CDH11: variants seen among roughly 807,000 people sequenced by gnomAD.
CDH11 encodes cadherin-11.
Under a neutral mutation model 67.8 loss-of-function variants are expected in CDH11, and 11 were observed. That is an observed-to-expected ratio of 0.16 (90% CI 0.10 to 0.27). The LOEUF (loss-of-function observed/expected upper bound fraction) is 0.27. Among genes scored for constraint, CDH11 ranks in the 10% least tolerant of loss-of-function variants. The probability of loss-of-function intolerance (pLI) is 1.00; values close to 1 mark genes in which losing one functional copy is unlikely to be tolerated. For synonymous variants in CDH11, 419 were observed against 400.0 expected (o/e 1.05, Z -0.57); for missense variants, 847 against 1,031.2 (o/e 0.82, Z 2.45).
At chr16:65,104,177 CA>C (rs2075034312) in intron 1 of CDH11, among the ~76,000 whole-genome samples, 2 of 152,132 alleles carry the variant, frequency 1.3e-5, no homozygotes, top group African/African-American at 4.8e-5. Context: ...TTATCTATGC[CA>C]ATTTCCTTTA....
At chr16:65,008,909 C>T (rs2073119548) in intron 2 of CDH11, among the ~76,000 whole-genome samples, 1 of 152,128 alleles carries the variant, frequency 6.6e-6, no homozygotes, top group Admixed American at 6.6e-5. Context: ...ATCCGCCTAA[C>T]ATTCTTGGAC....
At chr16:65,087,156 C>T (rs1484012106) in intron 1 of CDH11, among the ~76,000 whole-genome samples, 3 of 152,122 alleles carry the variant, frequency 2.0e-5, no homozygotes, top group Non-Finnish European at 4.4e-5. Context: ...TTACATTTTG[C>T]ACCTGACACA....
chr16:65,084,642 G>C lies in CDH11; in HGVS notation c.-297-30714C>G, dbSNP rs147299624. 8.2e-3 allele frequency among the ~76,000 whole-genome samples: 1,256 copies of C among 152,278 alleles called. 6 individuals are homozygous for C. Among genetic ancestry groups the C allele is most frequent in the Non-Finnish European group, 0.013 (867 of 68,010 alleles). Reference sequence around the variant, plus strand: ...CTTTGGGGAAGCATCCTGAGTATCTGACGAGGTTTAAGATCCTCACAGAGG... The same window carrying C: ...CTTTGGGGAAGCATCCTGAGTATCTCACGAGGTTTAAGATCCTCACAGAGG... On this transcript the variant is annotated intron_variant, in intron 1 of 12. Coordinates refer to ENST00000268603, the MANE Select transcript of CDH11 (RefSeq NM_001797.4).
chr16:64,964,944 C>T (rs766299160), intron 11 of CDH11, among the ~76,000 whole-genome samples: 22 of 152,004 alleles, frequency 1.4e-4, no homozygotes, highest in Non-Finnish European at 2.2e-4. Flanking sequence ...ATGTGCACAA[C>T]GTGCAGGTTT....
chr16:65,012,827 A>G (rs943664499), intron 2 of CDH11, among the ~76,000 whole-genome samples: 6 of 152,208 alleles, frequency 3.9e-5, no homozygotes, highest in African/African-American at 1.4e-4. Flanking sequence ...TCAAAGCTAA[A>G]ATAATGTAGC....
intron 3 of CDH11, among the ~76,000 whole-genome samples, chr16:65,001,791 C>T (rs1381433976): frequency 6.8e-6 from 1 of 146,656 alleles, no homozygotes; most frequent in African/African-American, 2.5e-5. Context: ...CACAGACACA[C>T]ACACACATTA....
chr16:64,968,670 G>C (rs745637219), intron 11 of CDH11: 2 of 438,188 alleles, frequency 4.6e-6, no homozygotes, highest in Non-Finnish European at 6.1e-6. Context: ...TTATGCCGGA[G>C]TTTAGGCAAA....
intron 11 of CDH11, among the ~76,000 whole-genome samples, chr16:64,966,005 G>GA (rs796684150): frequency 3.2e-4 from 48 of 147,778 alleles, no homozygotes; most frequent in African/African-American, 9.9e-4. Context: ...AAAGTAAAAA[G>GA]AAAAAAAAAG....
chr16:64,970,146 C>G (rs1272139079), intron 11 of CDH11, among the ~76,000 whole-genome samples: 1 of 152,080 alleles, frequency 6.6e-6, no homozygotes, highest in Admixed American at 6.6e-5. Flanking sequence ...TTCTTAAGAG[C>G]AAGTTCATTA....
rs2075333945 is a variant in CDH11, at chr16:65,121,715, C to A, written c.-298+165G>T. Among the ~76,000 whole-genome samples the A allele has an allele frequency of 1.3e-5, 2 of 152,226 alleles. No homozygotes were observed. The highest frequency in any genetic ancestry group is 4.1e-4 in the South Asian group (2 of 4,838). ...CTCCCTTTCTGATTTTTAAACAAAT[C>A]TCTCCCTCCCTTTTGCTTTGCGTTA... On this transcript the variant is annotated intron_variant, in intron 1 of 12. Coordinates refer to ENST00000268603, the MANE Select transcript of CDH11 (RefSeq NM_001797.4). The surrounding 1 kb of genome is among the most constrained non-coding windows in gnomAD (Gnocchi z 4.1).
chr16:64,998,929 C>A, intron 3 of CDH11, 73 bp from the exon 4 acceptor site: 1 of 1,222,900 alleles, frequency 8.2e-7, no homozygotes, highest in African/African-American at 1.5e-5. Context: ...CAAGTGATTG[C>A]AACAATCTGC....
chr16:65,110,451 C>A (rs534984916), intron 1 of CDH11, among the ~76,000 whole-genome samples: 1 of 152,236 alleles, frequency 6.6e-6, no homozygotes, highest in Non-Finnish European at 1.5e-5. Context: ...GAAGGCTGGG[C>A]AGTTAGAAGC....
chr16:64,978,600 T>G (rs1013483962), intron 8 of CDH11, among the ~76,000 whole-genome samples: 5 of 152,196 alleles, frequency 3.3e-5, no homozygotes, highest in African/African-American at 1.2e-4. Flanking sequence ...ATTAATGCAA[T>G]GTAATCAACA....
chr16:65,044,581 G>C (rs953254230), intron 2 of CDH11, among the ~76,000 whole-genome samples: 7 of 151,954 alleles, frequency 4.6e-5, no homozygotes, highest in African/African-American at 1.5e-4. Flanking sequence ...TATCTCACAG[G>C]GTCTAGGAGC....
At position 65,027,819 on chromosome 16, in the gene CDH11, G is replaced by A. The variant is rs374605525; in HGVS notation, c.-172-22778C>T. Among the ~76,000 whole-genome samples, 128 of 152,252 alleles carry A rather than the reference G, an allele frequency of 8.4e-4. 3 individuals carry two copies. In the South Asian group the frequency reaches 0.025, roughly 30 times the overall value. On this transcript the variant is annotated intron_variant, in intron 2 of 12. Coordinates refer to ENST00000268603, the MANE Select transcript of CDH11 (RefSeq NM_001797.4). ...TCATCCTCCATCTCTTCCATGCCTA[G>A]AGATTTTTGTATGCCTTTAGGTTTT...
chr16:65,021,876 G>GAAAAAAAAAAAAA (rs35700448), intron 2 of CDH11, among the ~76,000 whole-genome samples: 1 of 109,858 alleles, frequency 9.1e-6, no homozygotes, highest in Non-Finnish European at 1.8e-5. Flanking sequence ...AAGTAACTCA[G>GAAAAAAAAAAAAA]AAAAAAAAAA....
intron 1 of CDH11, among the ~76,000 whole-genome samples, chr16:65,095,678 C>T (rs191904221): frequency 6.6e-6 from 1 of 152,258 alleles, no homozygotes; most frequent in Non-Finnish European, 1.5e-5. Context: ...ACTGCAATGT[C>T]AGCTCTCATC....
At chr16:64,998,420 AAG>A in intron 4 of CDH11, 140 bp downstream of exon 4, 5 of 780,120 alleles carry the variant, frequency 6.4e-6, no homozygotes, top group Admixed American at 2.3e-5. Flanking sequence ...AGAGGAACAA[AAG>A]AATTTTTGTT....
chr16:65,037,310 G>C (rs1457136649), intron 2 of CDH11, among the ~76,000 whole-genome samples: 1 of 152,122 alleles, frequency 6.6e-6, no homozygotes, highest in African/African-American at 2.4e-5. Context: ...TCATTGCAGA[G>C]GACAGAGTGT....
Sources: allele counts gnomAD v4.1 joint callset (sites outside exome capture counted in the v4.1 genomes callset), GRCh38; gene constraint gnomAD v4.1.1; non-coding constraint Gnocchi (gnomAD v3.1); transcripts MANE v1.5; gene names NCBI Gene and HGNC (gene_info 2026-07-23, HGNC 2026-07-21).